PLCB1: variants seen among roughly 807,000 people sequenced by gnomAD.
PLCB1 encodes the protein 1-phosphatidylinositol 4,5-bisphosphate phosphodiesterase beta-1.
In PLCB1, 46 loss-of-function variants were observed where a neutral mutation model predicts 161.8. The observed-to-expected ratio is 0.28, with a 90% confidence interval of 0.22 to 0.36. The LOEUF is 0.36. PLCB1 is among the 10% of genes least tolerant of loss of function. PLCB1 has a pLI of 1.00. For missense variants in PLCB1, 1,016 were observed against 1,472.5 expected (o/e 0.69, Z 5.07); for synonymous variants, 517 against 503.7 (o/e 1.03, Z -0.35).
chr20:8,556,988 AAAT>A (rs1258991367), intron 3 of PLCB1, among the ~76,000 whole-genome samples: 21 of 68,880 alleles, frequency 3.0e-4, no homozygotes, highest in African/African-American at 8.9e-4. Flanking sequence ...TAAATAAAAT[AAAT>A]AAATAAATAA....
intron 2 of PLCB1, among the ~76,000 whole-genome samples, chr20:8,181,430 G>A (rs895909957): frequency 4.6e-5 from 7 of 151,976 alleles, no homozygotes; most frequent in African/African-American, 1.5e-4. Context: ...AATAAAAAAA[G>A]CAATAACAAT....
intron 3 of PLCB1, among the ~76,000 whole-genome samples, chr20:8,600,254 A>G (rs1435948878): frequency 2.5e-5 from 3 of 121,302 alleles, no homozygotes; most frequent in Middle Eastern, 4.0e-3. Context: ...GTCTTTGATG[A>G]TGGTGATGTA....
intron 9 of PLCB1, among the ~76,000 whole-genome samples, chr20:8,677,578 A>C (rs2123378724): frequency 6.6e-6 from 1 of 152,278 alleles, no homozygotes; most frequent in South Asian, 2.1e-4. Flanking sequence ...ATCATTGTGA[A>C]ATTTTAAGAA....
At chr20:8,552,839 A>G (rs1311648795) in intron 3 of PLCB1, among the ~76,000 whole-genome samples, 1 of 152,094 alleles carries the variant, frequency 6.6e-6, no homozygotes, top group Non-Finnish European at 1.5e-5. Flanking sequence ...CTGTGCTCCC[A>G]GCTGCCCATC....
At chr20:8,304,489 C>T (rs1984041031) in intron 2 of PLCB1, among the ~76,000 whole-genome samples, 2 of 151,676 alleles carry the variant, frequency 1.3e-5, no homozygotes, top group African/African-American at 4.8e-5. Context: ...CCTGGTTTAT[C>T]CCTGAGGGCC....
chr20:8,342,236 ACTG>A (rs1568639133), intron 2 of PLCB1, among the ~76,000 whole-genome samples: 1 of 152,228 alleles, frequency 6.6e-6, no homozygotes, highest in Admixed American at 6.5e-5. Context: ...ATGATGAAGA[ACTG>A]CATTGTGGGT....
At chr20:8,878,151 A>C (rs1169466361) in intron 31 of PLCB1, among the ~76,000 whole-genome samples, 1 of 152,188 alleles carries the variant, frequency 6.6e-6, no homozygotes, top group Non-Finnish European at 1.5e-5. Context: ...TTAACCTGAG[A>C]GAAATTATCT....
At chr20:8,462,231 C>T (rs137921277) in intron 3 of PLCB1, among the ~76,000 whole-genome samples, 1 of 152,256 alleles carries the variant, frequency 6.6e-6, no homozygotes, top group Non-Finnish European at 1.5e-5. Flanking sequence ...CATATATAAA[C>T]ACGTTGAGTT....
At chr20:8,327,002 C>T (rs1418865612) in intron 2 of PLCB1, among the ~76,000 whole-genome samples, 1 of 152,224 alleles carries the variant, frequency 6.6e-6, no homozygotes, top group African/African-American at 2.4e-5. Context: ...TATCCCACCT[C>T]AGCCTCCTGA....
chr20:8,466,968 C>G (rs1981851669), intron 3 of PLCB1, among the ~76,000 whole-genome samples: 1 of 152,122 alleles, frequency 6.6e-6, no homozygotes. Context: ...TTTTTGAGAT[C>G]TCCCTCTGTC....
chr20:8,845,565 G>C (rs1986662183), intron 31 of PLCB1, among the ~76,000 whole-genome samples: 1 of 152,194 alleles, frequency 6.6e-6, no homozygotes, highest in South Asian at 2.1e-4. Flanking sequence ...ATAGCACAGA[G>C]AACATTTCCA....
At chr20:8,256,800 T>C (rs1277895644) in intron 2 of PLCB1, 1 of 152,140 alleles carries the variant, frequency 6.6e-6, no homozygotes, top group Non-Finnish European at 1.5e-5. Flanking sequence ...GCTGAGCTCC[T>C]ACTAAAAAGA....
intron 2 of PLCB1, among the ~76,000 whole-genome samples, chr20:8,299,122 A>C (rs1983773820): frequency 6.6e-6 from 1 of 152,146 alleles, no homozygotes; most frequent in African/African-American, 2.4e-5. Flanking sequence ...AACACATTAT[A>C]GCACCTGTAC....
chr20:8,243,427 T>A (rs1257138298), intron 2 of PLCB1, among the ~76,000 whole-genome samples: 3 of 151,982 alleles, frequency 2.0e-5, no homozygotes, highest in Non-Finnish European at 4.4e-5. Flanking sequence ...ATGGTTGTAT[T>A]TTGGCCAAAC....
intron 3 of PLCB1, among the ~76,000 whole-genome samples, chr20:8,408,915 TATC>T (rs1978909403): frequency 6.6e-6 from 1 of 152,262 alleles, no homozygotes; most frequent in Non-Finnish European, 1.5e-5. Context: ...TATGTAATCT[TATC>T]AAGGTCTATT....
intron 2 of PLCB1, among the ~76,000 whole-genome samples, chr20:8,311,502 T>C (rs73086220): frequency 0.019 from 2,924 of 152,342 alleles, 46 homozygotes; most frequent in East Asian, 0.069. Flanking sequence ...TTCACTTTGA[T>C]CCATCTTCCT....
chr20:8,202,549 G>A (rs1978325195), intron 2 of PLCB1, among the ~76,000 whole-genome samples: 1 of 152,182 alleles, frequency 6.6e-6, no homozygotes, highest in Admixed American at 6.6e-5. Context: ...ATGACAGATA[G>A]GCAGACATTC....
At chr20:8,464,198 T>C (rs906721929) in intron 3 of PLCB1, among the ~76,000 whole-genome samples, 15 of 152,192 alleles carry the variant, frequency 9.9e-5, no homozygotes, top group African/African-American at 3.6e-4. Context: ...TCTCTTCCTC[T>C]GGTTGCTTTT....
intron 16 of PLCB1, among the ~76,000 whole-genome samples, chr20:8,725,006 T>C (rs1187687683): frequency 6.6e-6 from 1 of 152,168 alleles, no homozygotes; most frequent in African/African-American, 2.4e-5. Context: ...CTACAGGCCA[T>C]ACATGGCTAT....
Sources: gnomAD v4.1 joint callset for allele counts (sites outside exome capture counted in the v4.1 genomes callset) on GRCh38, gnomAD v4.1.1 for gene constraint, MANE v1.5 for transcripts, NCBI Gene and HGNC (gene_info 2026-07-23, HGNC 2026-07-21) for gene names.